The following KRT8 variants were observed in gnomAD, a reference collection of about 807,000 sequenced individuals.
KRT8 encodes the protein keratin, type II cytoskeletal 8.
In KRT8, 24 loss-of-function variants were observed where a neutral mutation model predicts 43.0. The observed-to-expected ratio is 0.56, with a 90% confidence interval of 0.40 to 0.78. The LOEUF is 0.78. Among genes scored for constraint, KRT8 ranks in the 30% least tolerant of loss-of-function variants. KRT8 has a pLI of 0.00. For missense variants in KRT8, 492 were observed against 638.4 expected (o/e 0.77, Z 2.47); for synonymous variants, 214 against 261.2 (o/e 0.82, Z 1.74).
upstream of KRT8, chr12:52,906,786 G>A (rs569525648): frequency 4.2e-4 from 192 of 455,888 alleles, 1 homozygote; most frequent in East Asian, 5.5e-3. Context: ...CTGACCCAGG[G>A]AAGGGGGTGA....
intron 1 of KRT8, 133 bp from the exon 2 acceptor site, chr12:52,902,205 T>C: frequency 1.5e-6 from 1 of 670,620 alleles, no homozygotes; most frequent in South Asian, 1.7e-5. Context: ...CCTGGTTAGC[T>C]GTTCTGGAAA....
At chr12:52,924,052 G>T (rs1286589522) in intron 2 of KRT8, among the ~76,000 whole-genome samples, 1 of 151,782 alleles carries the variant, frequency 6.6e-6, no homozygotes. Context: ...TTACCATGTT[G>T]GCCAGGCTGG....
chr12:52,911,456 A>G (rs956469781), upstream of KRT8, among the ~76,000 whole-genome samples: 7 of 152,238 alleles, frequency 4.6e-5, no homozygotes, highest in African/African-American at 1.7e-4. Flanking sequence ...GAGGGAATCA[A>G]GTCCCTAATG....
intron 2 of KRT8, among the ~76,000 whole-genome samples, chr12:52,931,905 C>T (rs1942091191): frequency 6.6e-6 from 1 of 151,988 alleles, no homozygotes; most frequent in Admixed American, 6.6e-5. Flanking sequence ...TCAAGTGATC[C>T]ATCTGCCTTG....
chr12:52,904,512 T>G (rs1592166054), intron 1 of KRT8, 146 bp downstream of exon 1: 5 of 758,932 alleles, frequency 6.6e-6, no homozygotes, highest in Non-Finnish European at 6.8e-6. Context: ...ACGGGAGGGG[T>G]GAGTCGGAGG....
intron 2 of KRT8, chr12:52,948,484 TTTC>T (rs1942385190): frequency 8.0e-6 from 1 of 125,064 alleles, no homozygotes; most frequent in African/African-American, 3.9e-5. Flanking sequence ...GACCCCCAAA[TTTC>T]TTTTTTCTTT....
In KRT8 at chr12:52,949,757, C is replaced by T. The variant is rs542949042; in HGVS notation, c.-219G>A. 286 of 729,894 alleles carry T rather than the reference C, an allele frequency of 3.9e-4. 3 individuals carry two copies. The South Asian group carries it at 4.0e-3, about 10-fold the overall frequency. The allele number at this position is 729,894 out of a possible 1,614,324, so 45.2% of individuals were successfully genotyped here. A position where few individuals can be genotyped will look rare whatever the true frequency, so the allele number is the denominator to read the frequency against. ...CACCTAGCCACAGGGTCCCTAAGAGCAGCAGCTAGGCATGGGAGGGCTCTT... is the reference window on the plus strand; with the variant it reads ...CACCTAGCCACAGGGTCCCTAAGAGTAGCAGCTAGGCATGGGAGGGCTCTT... On this transcript the variant is annotated 5_prime_UTR_variant, in exon 1 of 7. Coordinates refer to the KRT8 transcript ENST00000546826.
At chr12:52,917,702 C>G (rs1045391319) in intron 2 of KRT8, among the ~76,000 whole-genome samples, 5 of 98,876 alleles carry the variant, frequency 5.1e-5, no homozygotes, top group African/African-American at 1.8e-4. Context: ...GGGCGAGACT[C>G]TGTCTCAAAA....
At chr12:52,929,006 A>G (rs1399167453) in intron 2 of KRT8, among the ~76,000 whole-genome samples, 1 of 152,050 alleles carries the variant, frequency 6.6e-6, no homozygotes, top group East Asian at 1.9e-4. Context: ...AAGAGGGGAG[A>G]CCATACTCGT....
At chr12:52,942,659 T>C (rs1054703211) in intron 2 of KRT8, among the ~76,000 whole-genome samples, 1 of 152,154 alleles carries the variant, frequency 6.6e-6, no homozygotes, top group Non-Finnish European at 1.5e-5. Flanking sequence ...TTAAGGCTTC[T>C]TTGTCCCTGA....
At chr12:52,928,029 G>A (rs1942022324) in intron 2 of KRT8, among the ~76,000 whole-genome samples, 1 of 152,198 alleles carries the variant, frequency 6.6e-6, no homozygotes, top group Non-Finnish European at 1.5e-5. Flanking sequence ...TTGCACTCCA[G>A]GCTGGGCAAC....
chr12:52,925,756 G>A (rs1941976739), intron 2 of KRT8, among the ~76,000 whole-genome samples: 1 of 152,114 alleles, frequency 6.6e-6, no homozygotes, highest in Non-Finnish European at 1.5e-5. Context: ...TGAGTTCTAG[G>A]GTTTATGCAC....
At chr12:52,937,373 T>TA (rs879356847) in intron 2 of KRT8, among the ~76,000 whole-genome samples, 1,720 of 133,644 alleles carry the variant, frequency 0.013, 27 homozygotes, top group African/African-American at 0.04. Flanking sequence ...ACTCGGTCTC[T>TA]AAAAAAAAAA....
At chr12:52,900,181 G>A in intron 4 of KRT8, 116 bp from the exon 5 acceptor site, 1 of 1,078,938 alleles carries the variant, frequency 9.3e-7, no homozygotes, top group South Asian at 1.5e-5. Context: ...GGAGCAGGTG[G>A]GAGTCAGGGT....
intron 2 of KRT8, among the ~76,000 whole-genome samples, chr12:52,922,184 T>TA (rs57023136): frequency 0.011 from 441 of 38,722 alleles, 28 homozygotes; most frequent in Non-Finnish European, 0.015. Flanking sequence ...ACCCTGTCTC[T>TA]AAAAAAAAAA....
exon 2 of KRT8, chr12:52,901,866 G>A: frequency 6.2e-7 from 1 of 1,607,256 alleles, no homozygotes; most frequent in Non-Finnish European, 8.5e-7. Context: ...TTGCTCACTT[G>A]TTCTTGAAGT....
chr12:52,931,749 G>A (rs1365293809), intron 2 of KRT8, among the ~76,000 whole-genome samples: 5 of 151,350 alleles, frequency 3.3e-5, no homozygotes, highest in Non-Finnish European at 5.9e-5. Flanking sequence ...TGTAAACCCC[G>A]CCTTCCAGTT....
chr12:52,915,936 A>G (rs1169728344), intron 2 of KRT8, among the ~76,000 whole-genome samples: 1 of 152,228 alleles, frequency 6.6e-6, no homozygotes, highest in African/African-American at 2.4e-5. Flanking sequence ...TTGATTTCAG[A>G]TAAATAAATG....
chr12:52,903,863 CCCCA>C (rs1941440210), intron 1 of KRT8, among the ~76,000 whole-genome samples: 1 of 101,496 alleles, frequency 9.9e-6, no homozygotes, highest in African/African-American at 3.5e-5. Flanking sequence ...CCCCAGCCCA[CCCCA>C]CCCCACCCCA....
Sources: gnomAD v4.1 joint callset for allele counts (sites outside exome capture counted in the v4.1 genomes callset) on GRCh38, gnomAD v4.1.1 for gene constraint, MANE v1.5 for transcripts, NCBI Gene and HGNC (gene_info 2026-07-23, HGNC 2026-07-21) for gene names.